Variants in CDK13 observed in about 807,000 individuals in gnomAD.
CDK13 encodes cyclin-dependent kinase 13.
CDK13 carries 40 observed loss-of-function variants against 137.6 expected under a neutral mutation model. That is an observed-to-expected ratio of 0.29 (90% CI 0.23 to 0.38). CDK13 has a LOEUF of 0.38. CDK13 is among the 10% of genes least tolerant of loss of function. CDK13 has a pLI of 1.00. For missense variants in CDK13, 1,704 were observed against 1,951.8 expected (o/e 0.87, Z 2.39); for synonymous variants, 869 against 760.1 (o/e 1.14, Z -2.36).
chr7:40,037,422 A>G (rs1037342195), intron 5 of CDK13, among the ~76,000 whole-genome samples: 2 of 152,182 alleles, frequency 1.3e-5, no homozygotes, highest in African/African-American at 4.8e-5. Context: ...TATTCTTTAC[A>G]TGGGCCTTCC....
intron 9 of CDK13, among the ~76,000 whole-genome samples, chr7:40,074,433 G>A (rs1786495655): frequency 2.0e-5 from 3 of 148,770 alleles, no homozygotes; most frequent in South Asian, 2.1e-4. Context: ...TGAGGCAGGA[G>A]AATGGCATGA....
chr7:39,971,680 C>T (rs886628303), intron 1 of CDK13, among the ~76,000 whole-genome samples: 7 of 150,414 alleles, frequency 4.7e-5, no homozygotes, highest in Non-Finnish European at 1.0e-4. Flanking sequence ...GTCAGGAGTT[C>T]GAGACCAGCC....
At chr7:40,066,298 A>T (rs1224625543) in intron 9 of CDK13, among the ~76,000 whole-genome samples, 1 of 152,210 alleles carries the variant, frequency 6.6e-6, no homozygotes, top group Admixed American at 6.6e-5. Flanking sequence ...CTATTCCAGA[A>T]CATAAGAATA....
At chr7:40,036,686 A>G (rs1785491429) in intron 5 of CDK13, among the ~76,000 whole-genome samples, 1 of 151,826 alleles carries the variant, frequency 6.6e-6, no homozygotes, top group Non-Finnish European at 1.5e-5. Context: ...TGCTAAATTT[A>G]CTTATCCCTG....
chr7:40,006,520 A>G (rs1266037703), intron 5 of CDK13, among the ~76,000 whole-genome samples: 1 of 152,176 alleles, frequency 6.6e-6, no homozygotes, highest in Non-Finnish European at 1.5e-5. Context: ...GCTGTTTATA[A>G]TTCTCTGGGT....
At chr7:40,032,883 A>G (rs926858391) in intron 5 of CDK13, among the ~76,000 whole-genome samples, 1 of 152,118 alleles carries the variant, frequency 6.6e-6, no homozygotes, top group Non-Finnish European at 1.5e-5. Flanking sequence ...ATCTTTTACT[A>G]TCTATATAAA....
At chr7:40,087,884 A>G (rs916306588) in intron 11 of CDK13, among the ~76,000 whole-genome samples, 1 of 152,084 alleles carries the variant, frequency 6.6e-6, no homozygotes, top group African/African-American at 2.4e-5. Context: ...CATAATTTTG[A>G]TAAATGATTA....
intron 7 of CDK13, chr7:40,061,211 A>G (rs1000807368): frequency 3.9e-5 from 6 of 152,226 alleles, no homozygotes; most frequent in African/African-American, 1.4e-4. Flanking sequence ...TAAACAAGCA[A>G]AAATCACTGA....
At chr7:40,038,632 G>T (rs1401881755) in intron 5 of CDK13, among the ~76,000 whole-genome samples, 1 of 152,126 alleles carries the variant, frequency 6.6e-6, no homozygotes, top group Non-Finnish European at 1.5e-5. Context: ...GTAGACTCTG[G>T]AGTTCTACTT....
chr7:40,027,995 A>G (rs1363906986), intron 5 of CDK13, among the ~76,000 whole-genome samples: 1 of 148,144 alleles, frequency 6.8e-6, no homozygotes, highest in African/African-American at 2.5e-5. Context: ...GAAGATTGAG[A>G]AATTAACCTT....
At chr7:39,986,048 T>C (rs560067039) in intron 1 of CDK13, 1 of 152,236 alleles carries the variant, frequency 6.6e-6, no homozygotes, top group Non-Finnish European at 1.5e-5. Flanking sequence ...GTCAGCATCA[T>C]TGGGCACAGA....
Position 40,095,491 on chromosome 7 carries a change from T to G in CDK13, c.*511T>G, listed in dbSNP as rs1787027872. Reference sequence around the variant, plus strand: ...TTCAGTGTTATTGTGAAAGGTGTACTTTGTGCTCATTTCAGAAAATAAAAC... The same window carrying G: ...TTCAGTGTTATTGTGAAAGGTGTACGTTGTGCTCATTTCAGAAAATAAAAC... On this transcript the variant is annotated 3_prime_UTR_variant, in exon 14 of 14. Transcript: ENST00000181839. 6.6e-6 allele frequency: 1 copy of G among 152,608 alleles called. No homozygotes were observed. Among genetic ancestry groups the G allele is most frequent in the South Asian group, 2.1e-4 (1 of 4,822 alleles). The allele number at this position is 152,608 out of a possible 1,614,324, so 9.5% of individuals were successfully genotyped here. A position where few individuals can be genotyped will look rare whatever the true frequency, so the allele number is the denominator to read the frequency against.
At chr7:39,956,528 A>G (rs1222318398) in intron 1 of CDK13, among the ~76,000 whole-genome samples, 1 of 152,152 alleles carries the variant, frequency 6.6e-6, no homozygotes, top group Non-Finnish European at 1.5e-5. Flanking sequence ...GAGTTTTCTT[A>G]ATATCTTTGT....
chr7:40,093,175 G>A lies in CDK13; in HGVS notation c.3626G>A (p.Gly1209Glu), dbSNP rs757862732. The A allele has an allele frequency of 1.2e-6, 2 of 1,614,118 alleles. No individual in the cohort carries two copies. Among genetic ancestry groups the A allele is most frequent in the South Asian group, 2.2e-5 (2 of 91,086 alleles). ...KDVLLEEREN[G>E]SGHEASLQLR... is the part of the protein sequence containing the mutation. ...GTGCTACTAGAAGAGAGGGAAAATG[G>A]ATCGGGACATGAAGCGTCATTACAA... Residue 1209 changes from glycine (G) to glutamate (E), a missense_variant, in exon 13 of 14, where the codon GGA becomes GAA. Physicochemically the swap from Gly to Glu is moderately conservative, Grantham distance 98 (BLOSUM62 -2). Around this residue, in one of 5 missense-constraint regions of CDK13, gnomAD observed 475 missense variants for 579.3 expected, o/e 0.82. Coordinates refer to ENST00000181839, the MANE Select transcript of CDK13 (RefSeq NM_003718.5).
intron 5 of CDK13, among the ~76,000 whole-genome samples, chr7:40,023,093 C>CT (rs748459820): frequency 0.024 from 3,274 of 137,512 alleles, 111 homozygotes; most frequent in African/African-American, 0.077. Flanking sequence ...TTATACTTAA[C>CT]TTTTTTTTTT....
intron 11 of CDK13, among the ~76,000 whole-genome samples, chr7:40,079,169 C>T (rs1786610051): frequency 6.6e-6 from 1 of 151,966 alleles, no homozygotes; most frequent in Non-Finnish European, 1.5e-5. Context: ...GCCTATAATC[C>T]CAGCACTTTG....
rs1410116179 is a variant in CDK13, at chr7:39,982,626, A to C, written c.1212-4973A>C. ...ACAATGGTTGAACTAGTTTACAGTC[A>C]CACCAACAGTGTAAAAGTGTTCCTA... On this transcript the variant is annotated intron_variant, in intron 1 of 13. Coordinates refer to ENST00000181839, the MANE Select transcript of CDK13 (RefSeq NM_003718.5). Among the ~76,000 whole-genome samples, 408 of 152,172 alleles carry C rather than the reference A, an allele frequency of 2.7e-3. 2 individuals are homozygous for C. Among genetic ancestry groups the C allele is most frequent in the Middle Eastern group, 0.014 (4 of 294 alleles).
At chr7:40,013,880 C>T (rs1431608930) in intron 5 of CDK13, among the ~76,000 whole-genome samples, 1 of 151,988 alleles carries the variant, frequency 6.6e-6, no homozygotes, top group Non-Finnish European at 1.5e-5. Context: ...AGGGGTGTCT[C>T]TGTTATAAAA....
At chr7:40,018,275 A>T (rs1785044688) in intron 5 of CDK13, among the ~76,000 whole-genome samples, 1 of 152,030 alleles carries the variant, frequency 6.6e-6, no homozygotes, top group African/African-American at 2.4e-5. Flanking sequence ...GTAATTAGGG[A>T]TGTAGTATAG....
Sources: allele counts gnomAD v4.1 joint callset (sites outside exome capture counted in the v4.1 genomes callset), GRCh38; gene constraint gnomAD v4.1.1; regional missense constraint gnomAD v4.1.1; transcripts MANE v1.5; gene names NCBI Gene and HGNC (gene_info 2026-07-23, HGNC 2026-07-21).